Variants in MBNL1 observed in about 807,000 individuals in gnomAD.
MBNL1 encodes muscleblind like splicing regulator 1.
Under a neutral mutation model 42.2 loss-of-function variants are expected in MBNL1, and 8 were observed. The ratio of observed to expected loss-of-function variants is 0.19; its 90% CI spans 0.11 to 0.34. The LOEUF (loss-of-function observed/expected upper bound fraction) is 0.34, where lower values mean the gene tolerates loss of function less well. MBNL1 is among the 10% of genes least tolerant of loss of function. The pLI is 1.00. For missense variants in MBNL1, 309 were observed against 495.3 expected (o/e 0.62, Z 3.57); for synonymous variants, 169 against 173.9 (o/e 0.97, Z 0.22).
chr3:152,361,624 T>C (rs898818938), intron 2 of MBNL1, among the ~76,000 whole-genome samples: 40 of 151,958 alleles, frequency 2.6e-4, no homozygotes, highest in African/African-American at 9.2e-4. Context: ...TGAGTTAAGC[T>C]GAAGAGTTTA....
chr3:152,274,251 A>G (rs1237259870), intron 1 of MBNL1, among the ~76,000 whole-genome samples: 1 of 152,176 alleles, frequency 6.6e-6, no homozygotes, highest in Non-Finnish European at 1.5e-5. Flanking sequence ...TGAAATAAGC[A>G]TTACGTTGCT....
chr3:152,281,756 A>G (rs148067049), intron 1 of MBNL1, among the ~76,000 whole-genome samples: 147 of 152,272 alleles, frequency 9.7e-4, no homozygotes, highest in African/African-American at 3.5e-3. Flanking sequence ...TGCTCTTGTA[A>G]TCTATTCAGC....
intron 4 of MBNL1, among the ~76,000 whole-genome samples, chr3:152,439,433 G>A (rs1167880121): frequency 2.0e-5 from 3 of 152,108 alleles, no homozygotes; most frequent in Non-Finnish European, 4.4e-5. Flanking sequence ...CTTATCGGTA[G>A]GATTATTTTA....
chr3:152,325,102 CTTT>C (rs1232579687), intron 2 of MBNL1, among the ~76,000 whole-genome samples: 1 of 109,322 alleles, frequency 9.1e-6, no homozygotes, highest in Non-Finnish European at 1.9e-5. Context: ...CCCCCGCCCG[CTTT>C]TTTTTCATTT....
intron 4 of MBNL1, among the ~76,000 whole-genome samples, chr3:152,438,659 G>A (rs994624315): frequency 6.6e-6 from 1 of 152,154 alleles, no homozygotes; most frequent in Non-Finnish European, 1.5e-5. Context: ...CTGCAGTGGG[G>A]TTTGATAATA....
At chr3:152,327,548 C>T (rs1293033778) in intron 2 of MBNL1, among the ~76,000 whole-genome samples, 1 of 152,026 alleles carries the variant, frequency 6.6e-6, no homozygotes, top group African/African-American at 2.4e-5. Flanking sequence ...GGGTTTCACC[C>T]ATGTTGGCCA....
chr3:152,257,818 A>G (rs1274593976), intron 2 of MBNL1, among the ~76,000 whole-genome samples: 1 of 152,194 alleles, frequency 6.6e-6, no homozygotes, highest in Non-Finnish European at 1.5e-5. Flanking sequence ...TTTGAAATAT[A>G]GTGCTAAAGG....
intron 9 of MBNL1, among the ~76,000 whole-genome samples, 167 bp from the exon 10 acceptor site, chr3:152,462,218 A>G (rs1163927945): frequency 6.6e-6 from 1 of 152,136 alleles, no homozygotes; most frequent in African/African-American, 2.4e-5. Context: ...GAGATGATAG[A>G]CAAATTTTGA....
intron 2 of MBNL1, chr3:152,338,079 A>G: frequency 2.0e-5 from 19 of 941,042 alleles, no homozygotes; most frequent in Non-Finnish European, 2.4e-5. Flanking sequence ...TAAATGCCGT[A>G]GGCATGCTAT....
intron 2 of MBNL1, among the ~76,000 whole-genome samples, chr3:152,309,992 A>G (rs1380650092): frequency 7.9e-5 from 12 of 152,204 alleles, no homozygotes; most frequent in African/African-American, 4.8e-5. Flanking sequence ...GTAGAACACA[A>G]ATTTGCTCAG....
chr3:152,369,897 C>T (rs1425420618), intron 2 of MBNL1, among the ~76,000 whole-genome samples: 3 of 152,080 alleles, frequency 2.0e-5, no homozygotes, highest in Non-Finnish European at 4.4e-5. Context: ...TGATTCTTCT[C>T]TCTTTTCTTC....
chr3:152,335,074 G>C, intron 2 of MBNL1: 1 of 1,254,240 alleles, frequency 8.0e-7, no homozygotes, highest in Non-Finnish European at 1.0e-6. Context: ...AAGGAAAAGT[G>C]GCTGACCTGG....
intron 2 of MBNL1, among the ~76,000 whole-genome samples, chr3:152,247,719 T>C (rs1394185480): frequency 6.6e-6 from 1 of 152,038 alleles, no homozygotes; most frequent in Admixed American, 6.6e-5. Flanking sequence ...TTTTTAAAAT[T>C]CCTTCCAGTT....
At chr3:152,317,466 T>G (rs755316198) in intron 2 of MBNL1, among the ~76,000 whole-genome samples, 1 of 152,072 alleles carries the variant, frequency 6.6e-6, no homozygotes, top group Non-Finnish European at 1.5e-5. Context: ...ATTACAGGCA[T>G]GCACCACCAT....
intron 2 of MBNL1, among the ~76,000 whole-genome samples, chr3:152,355,937 C>G (rs928346835): frequency 6.6e-6 from 1 of 152,178 alleles, no homozygotes; most frequent in African/African-American, 2.4e-5. Context: ...AGTCAGTAAA[C>G]AGCCATCGTA....
rs142108025 is a variant in MBNL1 at position 152,354,489 on chromosome 3, C to T, written c.174+54122C>T. Among the ~76,000 whole-genome samples, 100 of 152,220 alleles carry T rather than the reference C, an allele frequency of 6.6e-4. 3 individuals carry two copies. The East Asian group carries it at 0.017, about 26-fold the overall frequency. On this transcript the variant is annotated intron_variant, in intron 2 of 9. Coordinates refer to ENST00000324210, the MANE Select transcript of MBNL1 (RefSeq NM_021038.5). ...AAAAATTACGTACTTGAGTTTGGAT[C>T]ATACAGATTAATGAAAGAACTACAA...
At position 152,429,712 on chromosome 3, in the gene MBNL1, C is replaced by T. The variant is rs750097661; in HGVS notation, c.346-3005C>T. Among the ~76,000 whole-genome samples the T allele has an allele frequency of 2.6e-5, 4 of 151,920 alleles. No individual in the cohort carries two copies. In the East Asian group the frequency reaches 5.8e-4, roughly 22 times the overall value. On this transcript the variant is annotated intron_variant, in intron 3 of 9. Coordinates refer to ENST00000324210, the MANE Select transcript of MBNL1 (RefSeq NM_021038.5). The stretch of plus-strand genomic sequence containing the variant: ...TAGCAGTGACCTATCTTCAACATGG[C>T]GCTCCTTGAAAAAACAATATAACTA...
At chr3:152,383,833 G>C (rs2097291276) in intron 2 of MBNL1, among the ~76,000 whole-genome samples, 1 of 151,978 alleles carries the variant, frequency 6.6e-6, no homozygotes, top group South Asian at 2.1e-4. Context: ...TTTAATCTGT[G>C]ATGAAGAGAA....
chr3:152,412,540 A>G (rs2098606507), intron 2 of MBNL1, among the ~76,000 whole-genome samples: 1 of 152,228 alleles, frequency 6.6e-6, no homozygotes, highest in Non-Finnish European at 1.5e-5. Flanking sequence ...AAGGTACCAT[A>G]GATAAAAAAT....
Sources: allele counts gnomAD v4.1 joint callset (sites outside exome capture counted in the v4.1 genomes callset), GRCh38; gene constraint gnomAD v4.1.1; transcripts MANE v1.5; gene names NCBI Gene and HGNC (gene_info 2026-07-23, HGNC 2026-07-21).